The following IMMP2L variants were observed in gnomAD, a reference collection of about 807,000 sequenced individuals.
IMMP2L encodes mitochondrial inner membrane protease subunit 2.
Under a neutral mutation model 19.3 loss-of-function variants are expected in IMMP2L, and 18 were observed. That is an observed-to-expected ratio of 0.93 (90% confidence interval 0.64 to 1.38). The LOEUF (loss-of-function observed/expected upper bound fraction) is 1.38, where lower values mean the gene tolerates loss of function less well. Ranked by LOEUF, IMMP2L falls within the 40% of genes most tolerant of loss-of-function variation. The pLI, the probability that IMMP2L is intolerant of heterozygous loss-of-function variation, is 0.00. For synonymous variants in IMMP2L, 76 were observed against 73.0 expected, an observed-to-expected ratio of 1.04 and a Z score of -0.21; for missense variants, 233 against 218.2, an observed-to-expected ratio of 1.07 and a Z score of -0.43.
chr7:110,788,844 T>G (rs185332131), intron 5 of IMMP2L, among the ~76,000 whole-genome samples: 1 of 151,880 alleles, frequency 6.6e-6, no homozygotes, highest in Admixed American at 6.6e-5. Context: ...TGGTAGTACA[T>G]CTGTTTCCTA....
chr7:111,047,057 T>C (rs1259517444), intron 3 of IMMP2L, among the ~76,000 whole-genome samples: 1 of 152,238 alleles, frequency 6.6e-6, no homozygotes, highest in East Asian at 1.9e-4. Flanking sequence ...TGGCAGGGAA[T>C]CATTTGCTTA....
chr7:111,466,784 AT>A (rs1479005394), intron 3 of IMMP2L, among the ~76,000 whole-genome samples: 3 of 152,132 alleles, frequency 2.0e-5, no homozygotes, highest in Admixed American at 2.0e-4. Context: ...ATGTACAGAC[AT>A]TTTTTCCCTC....
chr7:110,669,100 TATATATATAGAG>T (rs1562903431), intron 5 of IMMP2L, among the ~76,000 whole-genome samples: 3 of 127,616 alleles, frequency 2.4e-5, no homozygotes, highest in African/African-American at 8.3e-5. Context: ...TATATGTATA[TATATATATAGAG>T]AGAGAGAGAG....
At chr7:111,217,547 C>T (rs1432331284) in intron 3 of IMMP2L, among the ~76,000 whole-genome samples, 1 of 152,074 alleles carries the variant, frequency 6.6e-6, no homozygotes, top group Non-Finnish European at 1.5e-5. Flanking sequence ...CTAGGATATA[C>T]TGTAAGCAAA....
chr7:111,107,629 T>C (rs554009084), intron 3 of IMMP2L, among the ~76,000 whole-genome samples: 167 of 152,228 alleles, frequency 1.1e-3, no homozygotes, highest in African/African-American at 3.6e-3. Flanking sequence ...ATGCTTTAAT[T>C]GGGGCACTAG....
At chr7:110,675,068 G>T (rs1792198954) in intron 5 of IMMP2L, among the ~76,000 whole-genome samples, 1 of 152,124 alleles carries the variant, frequency 6.6e-6, no homozygotes, top group African/African-American at 2.4e-5. Flanking sequence ...CAATATATTT[G>T]AGTTAAATAT....
intron 3 of IMMP2L, among the ~76,000 whole-genome samples, chr7:111,048,238 CAAAAAA>C (rs575701337): frequency 2.9e-3 from 53 of 18,322 alleles, no homozygotes; most frequent in Middle Eastern, 0.056. Context: ...GACTCTGTCT[CAAAAAA>C]AAAAAAAAAA....
chr7:110,765,874 T>C (rs1798624780), intron 5 of IMMP2L, among the ~76,000 whole-genome samples: 1 of 152,168 alleles, frequency 6.6e-6, no homozygotes, highest in Non-Finnish European at 1.5e-5. Context: ...CATTAGATTT[T>C]TAAAAACTGT....
At chr7:110,753,813 C>A (rs1352608857) in intron 5 of IMMP2L, among the ~76,000 whole-genome samples, 1 of 150,950 alleles carries the variant, frequency 6.6e-6, no homozygotes, top group Non-Finnish European at 1.5e-5. Context: ...CAAAATAGGG[C>A]GGGAATATAG....
At chr7:110,915,125 A>T (rs940597093) in intron 4 of IMMP2L, among the ~76,000 whole-genome samples, 3 of 152,216 alleles carry the variant, frequency 2.0e-5, no homozygotes, top group African/African-American at 7.2e-5. Context: ...GTATCTTAAG[A>T]GGTATCTGCT....
chr7:110,872,372 G>A (rs551950547), intron 5 of IMMP2L, among the ~76,000 whole-genome samples: 1 of 152,220 alleles, frequency 6.6e-6, no homozygotes, highest in East Asian at 1.9e-4. Flanking sequence ...TTTCTTGCTA[G>A]ATATCACTTC....
At chr7:111,338,222 GTGTT>G (rs1190931636) in intron 3 of IMMP2L, among the ~76,000 whole-genome samples, 1 of 152,166 alleles carries the variant, frequency 6.6e-6, no homozygotes, top group Non-Finnish European at 1.5e-5. Flanking sequence ...ACAGAGGAGA[GTGTT>G]TGTAGGAAAG....
chr7:111,124,325 C>G, intron 3 of IMMP2L: 1 of 1,613,602 alleles, frequency 6.2e-7, no homozygotes, highest in Non-Finnish European at 8.5e-7. Context: ...GGATCTTTTC[C>G]ACAAGATAAC....
At chr7:110,670,041 C>A (rs1791784950) in intron 5 of IMMP2L, among the ~76,000 whole-genome samples, 1 of 152,116 alleles carries the variant, frequency 6.6e-6, no homozygotes, top group Admixed American at 6.6e-5. Context: ...AGTCTTAACT[C>A]CTAATACCTC....
chr7:111,240,336 C>T (rs570791688), intron 3 of IMMP2L, among the ~76,000 whole-genome samples: 1 of 152,032 alleles, frequency 6.6e-6, no homozygotes, highest in South Asian at 2.1e-4. Context: ...TTGATTCAGA[C>T]ATACAATCTA....
In IMMP2L at chr7:110,794,827, G is replaced by A. The variant is rs541419570; in HGVS notation, c.408+91766C>T. ...CCTTCATTAAATATAAATAAATAAC[G>A]AATACATATATTCATTAATAATAAT... On this transcript the variant is annotated intron_variant, in intron 5 of 5. Coordinates refer to ENST00000405709, the MANE Select transcript of IMMP2L (RefSeq NM_032549.4). Among the ~76,000 whole-genome samples the A allele has an allele frequency of 4.6e-5, 7 of 151,906 alleles. No homozygotes were observed. The East Asian group carries it at 7.8e-4, about 17-fold the overall frequency.
At chr7:110,826,714 C>T (rs1053704189) in intron 5 of IMMP2L, among the ~76,000 whole-genome samples, 19 of 152,088 alleles carry the variant, frequency 1.2e-4, no homozygotes, top group African/African-American at 4.1e-4. Flanking sequence ...GGAGGGATAG[C>T]ATTAGGAGAT....
intron 2 of IMMP2L, among the ~76,000 whole-genome samples, chr7:111,507,690 T>C (rs1845060078): frequency 6.6e-6 from 1 of 152,154 alleles, no homozygotes; most frequent in Non-Finnish European, 1.5e-5. Context: ...TTTGTTTCAG[T>C]TATCTCTTGC....
At chr7:110,818,323 C>G (rs1026578403) in intron 5 of IMMP2L, among the ~76,000 whole-genome samples, 1 of 152,144 alleles carries the variant, frequency 6.6e-6, no homozygotes, top group Admixed American at 6.5e-5. Flanking sequence ...ACACAATTCT[C>G]AAAAGAAGAC....
Sources: allele counts gnomAD v4.1 joint callset (sites outside exome capture counted in the v4.1 genomes callset), GRCh38; gene constraint gnomAD v4.1.1; transcripts MANE v1.5; gene names NCBI Gene and HGNC (gene_info 2026-07-23, HGNC 2026-07-21).